CTDSPL2: variants seen among roughly 807,000 people sequenced by gnomAD.
CTDSPL2 encodes the protein CTD small phosphatase-like protein 2.
Under a neutral mutation model 60.0 loss-of-function variants are expected in CTDSPL2, and 5 were observed. The observed-to-expected ratio is 0.08, with a 90% CI of 0.04 to 0.18. CTDSPL2 has a LOEUF of 0.18. Ranked by LOEUF, CTDSPL2 falls within the 10% of genes least tolerant of loss-of-function variation. The probability of loss-of-function intolerance (pLI) is 1.00; values close to 1 mark genes in which losing one functional copy is unlikely to be tolerated. For missense variants in CTDSPL2, 370 were observed against 548.8 expected, an observed-to-expected ratio of 0.67 and a Z score of 3.26; for synonymous variants, 186 against 189.3, an observed-to-expected ratio of 0.98 and a Z score of 0.14.
At chr15:44,468,291 G>A (rs546608074) in intron 2 of CTDSPL2, among the ~76,000 whole-genome samples, 57 of 152,028 alleles carry the variant, frequency 3.7e-4, no homozygotes, top group African/African-American at 1.3e-3. Context: ...TGTTTTTAAG[G>A]AATTTAAGTT....
intron 3 of CTDSPL2, among the ~76,000 whole-genome samples, chr15:44,485,578 A>G (rs2081103924): frequency 6.6e-6 from 1 of 152,202 alleles, no homozygotes; most frequent in South Asian, 2.1e-4. Context: ...TTATCTGCAG[A>G]TAAGGTAGTA....
At chr15:44,452,752 G>C (rs946392227) in intron 1 of CTDSPL2, among the ~76,000 whole-genome samples, 1 of 151,892 alleles carries the variant, frequency 6.6e-6, no homozygotes, top group Non-Finnish European at 1.5e-5. Context: ...GTGTGAATTG[G>C]CATACCTTTG....
chr15:44,519,407 T>G, intron 11 of CTDSPL2, 112 bp downstream of exon 11: 1 of 947,492 alleles, frequency 1.1e-6, no homozygotes, highest in South Asian at 1.8e-5. Flanking sequence ...TGGTGGAATT[T>G]CCCTTTAATG....
rs181662692 is a variant in CTDSPL2, at chr15:44,525,234, A to G, written c.*1060A>G. 24 of 395,338 alleles carry G rather than the reference A, an allele frequency of 6.1e-5. No individual in the cohort carries two copies. The highest frequency in any genetic ancestry group is 3.5e-4 in the Admixed American group (8 of 22,696). The allele number at this position is 395,338 out of a possible 1,614,324, so 24.5% of individuals were successfully genotyped here. ...TCAGTTACAATCAATTTAAAACTGT[A>G]TAACAGTCTTGGTACCTAACAGTAG... On this transcript the variant is annotated 3_prime_UTR_variant, in exon 13 of 13. Coordinates refer to ENST00000260327, the MANE Select transcript of CTDSPL2 (RefSeq NM_016396.3).
chr15:44,472,694 CT>C (rs2080835600), intron 2 of CTDSPL2, among the ~76,000 whole-genome samples: 1 of 152,150 alleles, frequency 6.6e-6, no homozygotes, highest in Non-Finnish European at 1.5e-5. Context: ...GAGACAGAGT[CT>C]CACTTTGTCA....
chr15:44,478,625 T>C lies in CTDSPL2; in HGVS notation c.187-5599T>C, dbSNP rs1348679140. On this transcript the variant is annotated intron_variant, in intron 2 of 12. Coordinates refer to ENST00000260327, the MANE Select transcript of CTDSPL2 (RefSeq NM_016396.3). ...AATGTTATTCTATTTTCTTCCAACATGAAAAGCGTTTCTGTCAAACGTTTG... is the reference window on the plus strand; with the variant it reads ...AATGTTATTCTATTTTCTTCCAACACGAAAAGCGTTTCTGTCAAACGTTTG... Among the ~76,000 whole-genome samples, 4 of 152,182 alleles carry C rather than the reference T, an allele frequency of 2.6e-5. No individual in the cohort carries two copies. In the East Asian group the frequency reaches 7.7e-4, roughly 29 times the overall value.
rs1215247042 is a variant in CTDSPL2 at position 44,525,255 on chromosome 15, A to G, written c.*1081A>G. The G allele has an allele frequency of 2.5e-6, 1 of 396,582 alleles. No homozygotes were observed. The highest frequency in any genetic ancestry group is 2.1e-5 in the African/African-American group (1 of 48,624). The allele number at this position is 396,582 out of a possible 1,614,324, so 24.6% of individuals were successfully genotyped here. A position where few individuals can be genotyped will look rare whatever the true frequency, so the allele number is the denominator to read the frequency against. The stretch of plus-strand genomic sequence containing the variant: ...CTGTATAACAGTCTTGGTACCTAAC[A>G]GTAGCTATGCATAATCCTGTGGCAC... On this transcript the variant is annotated 3_prime_UTR_variant, in exon 13 of 13. Coordinates refer to ENST00000260327, the MANE Select transcript of CTDSPL2 (RefSeq NM_016396.3).
intron 5 of CTDSPL2, among the ~76,000 whole-genome samples, chr15:44,493,342 G>C (rs982804738): frequency 6.6e-6 from 1 of 152,152 alleles, no homozygotes; most frequent in Non-Finnish European, 1.5e-5. Context: ...AGAACAAGAA[G>C]GTAGGAAGCT....
At chr15:44,440,363 T>G (rs140966515) in intron 1 of CTDSPL2, among the ~76,000 whole-genome samples, 1,624 of 152,076 alleles carry the variant, frequency 0.011, 34 homozygotes, top group African/African-American at 0.038. Context: ...GCCTGACTAA[T>G]TTTTGTAATT....
chr15:44,461,535 T>G (rs1443436620), intron 2 of CTDSPL2, among the ~76,000 whole-genome samples: 1 of 151,536 alleles, frequency 6.6e-6, no homozygotes, highest in African/African-American at 2.4e-5. Flanking sequence ...ACTACAGGCA[T>G]GTACCACCAT....
At chr15:44,487,122 A>G (rs1234112338) in intron 4 of CTDSPL2, among the ~76,000 whole-genome samples, 1 of 152,056 alleles carries the variant, frequency 6.6e-6, no homozygotes, top group Non-Finnish European at 1.5e-5. Context: ...ATATTTTGTC[A>G]ATGTCTCGTG....
chr15:44,491,199 CTAAG>C (rs1290789784), intron 5 of CTDSPL2, among the ~76,000 whole-genome samples, 200 bp downstream of exon 5: 2 of 152,166 alleles, frequency 1.3e-5, no homozygotes, highest in South Asian at 2.1e-4. Context: ...AAGATTTTGA[CTAAG>C]TATTAGTCAT....
intron 8 of CTDSPL2, among the ~76,000 whole-genome samples, chr15:44,502,859 T>G (rs2081402308): frequency 6.6e-6 from 1 of 152,182 alleles, no homozygotes; most frequent in African/African-American, 2.4e-5. Flanking sequence ...AGGTGGCCAC[T>G]ACTCACATTT....
At chr15:44,453,790 G>A (rs1425600521) in intron 1 of CTDSPL2, among the ~76,000 whole-genome samples, 1 of 152,108 alleles carries the variant, frequency 6.6e-6, no homozygotes, top group Admixed American at 6.6e-5. Context: ...ATTCCATAGT[G>A]TATATATGCC....
At chr15:44,464,678 C>A (rs1401664593) in intron 2 of CTDSPL2, among the ~76,000 whole-genome samples, 1 of 152,212 alleles carries the variant, frequency 6.6e-6, no homozygotes, top group Non-Finnish European at 1.5e-5. Flanking sequence ...GGTCATACTT[C>A]TTTAGGGGCC....
intron 2 of CTDSPL2, among the ~76,000 whole-genome samples, chr15:44,465,573 A>G (rs1013123064): frequency 2.0e-5 from 3 of 152,140 alleles, no homozygotes; most frequent in African/African-American, 7.2e-5. Flanking sequence ...TGATTGTATT[A>G]ATTTAAATTG....
chr15:44,429,684 A>G (rs981437794), intron 1 of CTDSPL2, among the ~76,000 whole-genome samples: 3 of 152,120 alleles, frequency 2.0e-5, no homozygotes, highest in Non-Finnish European at 2.9e-5. Context: ...TGGCCAACAT[A>G]GTGAAACTCC....
At chr15:44,458,482 G>A (rs891968029) in intron 1 of CTDSPL2, among the ~76,000 whole-genome samples, 2 of 152,182 alleles carry the variant, frequency 1.3e-5, no homozygotes, top group East Asian at 1.9e-4. Flanking sequence ...TTATATGGTT[G>A]TTGATTATTA....
chr15:44,499,924 G>T, intron 8 of CTDSPL2, 111 bp downstream of exon 8: 3 of 615,900 alleles, frequency 4.9e-6, no homozygotes, highest in South Asian at 1.9e-5. Context: ...TTCTGTAGAA[G>T]TATAATGGAT....
Sources: gnomAD v4.1 joint callset for allele counts (sites outside exome capture counted in the v4.1 genomes callset) on GRCh38, gnomAD v4.1.1 for gene constraint, MANE v1.5 for transcripts, NCBI Gene and HGNC (gene_info 2026-07-23, HGNC 2026-07-21) for gene names.